Variants in RGS9 observed in about 807,000 individuals in gnomAD.
The protein encoded by RGS9 is regulator of G protein signaling 9.
Under a neutral mutation model 102.0 loss-of-function variants are expected in RGS9, and 78 were observed. The observed-to-expected ratio is 0.76, with a 90% CI of 0.64 to 0.92. The LOEUF is 0.92. RGS9 is among the 40% of genes least tolerant of loss of function. RGS9 has a pLI of 0.00. For synonymous variants in RGS9, 353 were observed against 318.6 expected, an observed-to-expected ratio of 1.11 and a Z score of -1.15; for missense variants, 833 against 866.1, an observed-to-expected ratio of 0.96 and a Z score of 0.48.
At chr17:65,207,347 T>C (rs1287884159) in intron 15 of RGS9, among the ~76,000 whole-genome samples, 1 of 152,200 alleles carries the variant, frequency 6.6e-6, no homozygotes, top group Non-Finnish European at 1.5e-5. Flanking sequence ...ACTGTAATTC[T>C]CAAACTTAAA....
At chr17:65,211,565 G>A (rs935394722) in intron 17 of RGS9, among the ~76,000 whole-genome samples, 1 of 131,604 alleles carries the variant, frequency 7.6e-6, no homozygotes, top group African/African-American at 2.9e-5. Context: ...AGGTGTAGAC[G>A]AGGTCAGCCC....
At chr17:65,161,268 T>C (rs1487872283) in intron 6 of RGS9, among the ~76,000 whole-genome samples, 1 of 152,234 alleles carries the variant, frequency 6.6e-6, no homozygotes, top group Non-Finnish European at 1.5e-5. Flanking sequence ...TTTTGTTTTT[T>C]TGAGACAAGG....
Position 65,194,264 on chromosome 17 carries a change from G to A in RGS9, c.860+608G>A, listed in dbSNP as rs117353827. Among the ~76,000 whole-genome samples the A allele has an allele frequency of 8.8e-3, 1,337 of 152,314 alleles. 8 individuals carry two copies. The highest frequency in any genetic ancestry group is 0.014 in the Non-Finnish European group (969 of 68,020). On this transcript the variant is annotated intron_variant, in intron 12 of 18. Transcript: ENST00000262406. ...CATTTATGGTTGAATCATCTTCATGGTATGGATGCACTAGAGTTTGTTTAT... is the reference window on the plus strand; with the variant it reads ...CATTTATGGTTGAATCATCTTCATGATATGGATGCACTAGAGTTTGTTTAT...
chr17:65,186,141 C>G (rs1294339632), intron 9 of RGS9, among the ~76,000 whole-genome samples: 6 of 151,612 alleles, frequency 4.0e-5, no homozygotes, highest in Non-Finnish European at 4.4e-5. Context: ...CGTTACGGCT[C>G]TAGTTCACTT....
At chr17:65,205,471 C>A (rs75366943) in intron 15 of RGS9, among the ~76,000 whole-genome samples, 1 of 150,266 alleles carries the variant, frequency 6.7e-6, no homozygotes, top group African/African-American at 2.5e-5. Context: ...ACATAGGTTG[C>A]GTGATATAGC....
intron 17 of RGS9, among the ~76,000 whole-genome samples, chr17:65,215,497 GTTCTTTCTTTCT>G (rs779043184): frequency 0.013 from 1,680 of 133,628 alleles, 21 homozygotes; most frequent in South Asian, 0.061. Context: ...TCGTTCTTTC[GTTCTTTCTTTCT>G]TTCTTTCTTT....
intron 8 of RGS9, among the ~76,000 whole-genome samples, 164 bp downstream of exon 8, chr17:65,168,445 A>G (rs1347925466): frequency 6.6e-6 from 1 of 152,072 alleles, no homozygotes; most frequent in Non-Finnish European, 1.5e-5. Flanking sequence ...TCTTGGCCAG[A>G]AAAGGAAGTT....
intron 9 of RGS9, among the ~76,000 whole-genome samples, chr17:65,188,136 T>A (rs532747054): frequency 6.6e-6 from 1 of 151,634 alleles, no homozygotes; most frequent in East Asian, 1.9e-4. Flanking sequence ...TCTCCAGGAG[T>A]TACATGGAGC....
intron 6 of RGS9, among the ~76,000 whole-genome samples, chr17:65,161,698 T>TTTA (rs1910988578): frequency 6.7e-6 from 1 of 150,232 alleles, no homozygotes; most frequent in African/African-American, 2.4e-5. Context: ...GTGTTTTTAT[T>TTTA]TTTATTTATA....
intron 15 of RGS9, among the ~76,000 whole-genome samples, chr17:65,207,040 G>A (rs981348163): frequency 5.3e-5 from 8 of 152,162 alleles, no homozygotes; most frequent in African/African-American, 1.2e-4. Context: ...TTTTCCGCTC[G>A]CTTAAAAGTA....
chr17:65,162,624 G>T (rs1911027691), intron 6 of RGS9, among the ~76,000 whole-genome samples: 1 of 149,672 alleles, frequency 6.7e-6, no homozygotes, highest in South Asian at 2.2e-4. Context: ...CACCACGCCT[G>T]GCTAATTTTT....
chr17:65,156,493 C>T (rs1299301291), intron 2 of RGS9, among the ~76,000 whole-genome samples: 1 of 152,218 alleles, frequency 6.6e-6, no homozygotes, highest in African/African-American at 2.4e-5. Context: ...CAGGGAGAAG[C>T]CCTGGTCCTG....
intron 6 of RGS9, among the ~76,000 whole-genome samples, chr17:65,161,456 T>C (rs533448150): frequency 1.3e-5 from 2 of 152,232 alleles, no homozygotes; most frequent in African/African-American, 4.8e-5. Flanking sequence ...TTCACCATGT[T>C]GGCCAGGCTA....
At chr17:65,172,379 T>C (rs1176432164) in intron 8 of RGS9, among the ~76,000 whole-genome samples, 1 of 152,002 alleles carries the variant, frequency 6.6e-6, no homozygotes, top group East Asian at 1.9e-4. Flanking sequence ...AATTTTTGTA[T>C]TTTTAGTAGA....
rs189894509 is a variant in RGS9, at chr17:65,217,272, T to A, written c.1407+6667T>A. Among the ~76,000 whole-genome samples, 710 of 152,324 alleles carry A rather than the reference T, an allele frequency of 4.7e-3. 6 individuals carry two copies. Among genetic ancestry groups the A allele is most frequent in the African/African-American group, 0.016 (683 of 41,572 alleles). On this transcript the variant is annotated intron_variant, in intron 17 of 18. Coordinates refer to ENST00000262406, the MANE Select transcript of RGS9 (RefSeq NM_003835.4). ...GCTGAGGTGGATCAGAGCATGGGGC[T>A]CCACCTCCATCTCATCCCCTGCTGT... is the stretch of plus-strand genomic sequence containing the variant.
chr17:65,159,352 C>A (rs1398344031), intron 3 of RGS9, among the ~76,000 whole-genome samples: 1 of 152,142 alleles, frequency 6.6e-6, no homozygotes, highest in Non-Finnish European at 1.5e-5. Flanking sequence ...GAGTGAAAGG[C>A]AGCAATTTAG....
intron 17 of RGS9, among the ~76,000 whole-genome samples, chr17:65,216,503 G>T (rs1913527509): frequency 6.6e-6 from 1 of 152,184 alleles, no homozygotes. Context: ...CGGGCGTGGT[G>T]GCAGGCGCCT....
At chr17:65,147,558 C>T (rs1910413255) in intron 1 of RGS9, among the ~76,000 whole-genome samples, 1 of 146,482 alleles carries the variant, frequency 6.8e-6, no homozygotes, top group East Asian at 1.9e-4. Flanking sequence ...CTTGAATGCA[C>T]CTGGATCATT....
chr17:65,216,631 T>C (rs936384101), intron 17 of RGS9, among the ~76,000 whole-genome samples: 2 of 152,142 alleles, frequency 1.3e-5, no homozygotes, highest in East Asian at 3.9e-4. Context: ...TTTTACAGTG[T>C]CATGAAGTCA....
Sources: allele counts gnomAD v4.1 joint callset (sites outside exome capture counted in the v4.1 genomes callset), GRCh38; gene constraint gnomAD v4.1.1; transcripts MANE v1.5; gene names NCBI Gene and HGNC (gene_info 2026-07-23, HGNC 2026-07-21).